HSD3B7: variants seen among roughly 807,000 people sequenced by gnomAD.
HSD3B7 encodes the protein 3 beta-hydroxysteroid dehydrogenase type 7.
Under a neutral mutation model 34.3 loss-of-function variants are expected in HSD3B7, and 35 were observed. The ratio of observed to expected loss-of-function variants is 1.02; its 90% CI spans 0.78 to 1.35. The LOEUF (loss-of-function observed/expected upper bound fraction) is 1.35, where lower values mean the gene tolerates loss of function less well. Among genes scored for constraint, HSD3B7 ranks in the 40% most tolerant of loss-of-function variants. HSD3B7 has a pLI of 0.00. For synonymous variants in HSD3B7, 217 were observed against 220.1 expected (o/e 0.99, Z 0.13); for missense variants, 426 against 504.7 (o/e 0.84, Z 1.49).
At position 30,988,169 on chromosome 16, in the gene HSD3B7, G is replaced by A. The variant is rs1351899341; in HGVS notation, c.1096G>A (p.Gly366Ser). 1 of 1,601,042 alleles carries A rather than the reference G, an allele frequency of 6.2e-7. No individual in the cohort carries two copies. Among genetic ancestry groups the A allele is most frequent in the Non-Finnish European group, 8.5e-7 (1 of 1,177,576 alleles). The change falls in exon 7 of 7, where the codon GGT becomes AGT. Residue 366 changes from glycine to serine, a missense_variant. Coordinates refer to ENST00000297679, the MANE Select transcript of HSD3B7 (RefSeq NM_025193.4). ...RTILWVQAAT[G>S]SAQ ...CATTCTCTGGGTACAGGCCGCTACG[G>A]GTTCAGCCCAGTGACGGTGGGGCTG...
rs104894518 is a variant in HSD3B7, at chr16:30,986,612, G to A, written c.439G>A (p.Glu147Lys). 1.9e-6 allele frequency: 3 copies of A among 1,613,984 alleles called. No individual in the cohort carries two copies. Among genetic ancestry groups the A allele is most frequent in the East Asian group, 4.5e-5 (2 of 44,894 alleles). Residue 147 changes from glutamate to lysine, a missense_variant, in exon 5 of 7, where the codon GAA becomes AAA. Glu to Lys is a moderately conservative substitution (Grantham distance 56). Transcript: ENST00000297679. ...TCCTTCTCCTCCCACCAGGGGCAAC[G>A]AAGACACCCCATACGAAGCAGTGCA... ...TKGHPFYRGN[E>K]DTPYEAVHRH...
Position 30,988,155 on chromosome 16 carries a change from T to A in HSD3B7, c.1082T>A (p.Val361Glu). Reference sequence around the variant, plus strand: ...AGCCGGACCCGTACCATTCTCTGGGTACAGGCCGCTACGGGTTCAGCCCAG... The same window carrying A: ...AGCCGGACCCGTACCATTCTCTGGGAACAGGCCGCTACGGGTTCAGCCCAG... ...EDSRTRTILW[V>E]QAATGSAQ Residue 361 changes from valine to glutamate, a missense_variant, in exon 7 of 7, where the codon GTA (valine) becomes GAA (glutamate). Val to Glu is a moderately radical substitution (Grantham distance 121). Coordinates refer to ENST00000297679, the MANE Select transcript of HSD3B7 (RefSeq NM_025193.4). 6.2e-7 allele frequency: 1 copy of A among 1,603,998 alleles called. No homozygotes were observed. Among genetic ancestry groups the A allele is most frequent in the Non-Finnish European group, 8.5e-7 (1 of 1,178,530 alleles).
rs548829868 is a variant in HSD3B7 at position 30,986,964 on chromosome 16, C to T, written c.656C>T (p.Ala219Val). Residue 219 changes from alanine (A) to valine (V), a missense_variant, in exon 6 of 7, where the codon GCC (alanine) becomes GTC (valine). Ala to Val is a moderately conservative substitution (Grantham distance 64). Coordinates refer to ENST00000297679, the MANE Select transcript of HSD3B7 (RefSeq NM_025193.4). ...CGCCTGGGAGGTTGGCTCTTCCGGG[C>T]CATCCCGGCCTCTGTGGAGCATGGC... ...GLRLGGWLFR[A>V]IPASVEHGRV... 5.4e-5 allele frequency: 87 copies of T among 1,613,124 alleles called. 3 individuals are homozygous for T. The South Asian group carries it at 9.4e-4, about 18-fold the overall frequency.
rs1333740794 is a variant in HSD3B7, at chr16:30,986,448, T to A, written c.348T>A (p.Cys116Ter). Reference sequence around the variant, plus strand: ...GTACCCGGAACGTGATCGAGGCTTGTGTGCAGACCGGAACACGGTTCCTGG... The same window carrying A: ...GTACCCGGAACGTGATCGAGGCTTGAGTGCAGACCGGAACACGGTTCCTGG... ...VQGTRNVIEA[C>*]VQTGTRFLVY... Residue 116 changes from cysteine to a stop codon, truncating the protein, a stop_gained, in exon 4 of 7, where the codon TGT becomes TGA. Coordinates refer to ENST00000297679, the MANE Select transcript of HSD3B7 (RefSeq NM_025193.4). LOFTEE classifies it high-confidence loss of function. 1 of 1,613,984 alleles carries A rather than the reference T, an allele frequency of 6.2e-7. No homozygotes were observed. The highest frequency in any genetic ancestry group is 8.5e-7 in the Non-Finnish European group (1 of 1,180,010).
rs774485162 is a variant in HSD3B7, at chr16:30,988,036, C to A, written c.963C>A (p.Pro321=). 13 of 1,607,342 alleles carry A rather than the reference C, an allele frequency of 8.1e-6. 1 individual carries two copies. The East Asian group carries it at 2.9e-4, about 36-fold the overall frequency. Residue 321 remains proline (P), a synonymous_variant, in exon 7 of 7, where the codon CCC becomes CCA. Coordinates refer to ENST00000297679, the MANE Select transcript of HSD3B7 (RefSeq NM_025193.4). ...TGCTCTACGCACCCCTGCTGAACCC[C>A]TACACGCTGGCCGTGGCCAACACCA... ...PLVLYAPLLN[P]YTLAVANTTF... is the part of the protein sequence containing the mutation.
rs371195720 is a variant in HSD3B7, at chr16:30,986,725, C to T, written c.531+21C>T. On this transcript the variant is annotated intron_variant, in intron 5 of 6. Coordinates refer to ENST00000297679, the MANE Select transcript of HSD3B7 (RefSeq NM_025193.4). ...GGAAGGTGAGCCCAGAAAAAGGAGG[C>T]GCAGAGATGGGGCTCCTGCCCTGCA... 2.3e-5 allele frequency: 37 copies of T among 1,612,296 alleles called. No individual in the cohort carries two copies. The East Asian group carries it at 5.6e-4, about 24-fold the overall frequency.
At position 30,985,663 on chromosome 16, in the gene HSD3B7, C is replaced by A. The variant is rs767091598; in HGVS notation, c.5C>A (p.Ala2Asp). The stretch of plus-strand genomic sequence containing the variant: ...AGGTCTCTTCCCCAGCCAGGCATGG[C>A]CGACTCTGCACAGGCCCAGAAGCTG... M[A>D]DSAQAQKLVY... Residue 2 changes from alanine to aspartate, a missense_variant, in exon 2 of 7, where the codon GCC (alanine) becomes GAC (aspartate). Transcript: ENST00000297679. The A allele has an allele frequency of 2.5e-6, 4 of 1,603,820 alleles. No homozygotes were observed. In the Admixed American group the frequency reaches 6.7e-5, roughly 27 times the overall value.
In HSD3B7 at chr16:30,988,010, G is replaced by T; in HGVS notation, c.937G>T (p.Val313Leu). 2.5e-6 allele frequency: 4 copies of T among 1,608,892 alleles called. No homozygotes were observed. The highest frequency in any genetic ancestry group is 1.7e-5 in the Admixed American group (1 of 60,018). The change falls in exon 7 of 7, where the codon GTG becomes TTG. Residue 313 changes from valine to leucine, a missense_variant. Transcript: ENST00000297679. ...ALLQWLLRPL[V>L]LYAPLLNPYT... ...GCTGCAGTGGCTGCTGCGGCCACTG[G>T]TGCTCTACGCACCCCTGCTGAACCC... is the stretch of plus-strand genomic sequence containing the variant.
chr16:30,987,023 G>T, intron 6 of HSD3B7, 21 bp downstream of exon 6: 3 of 1,599,576 alleles, frequency 1.9e-6, no homozygotes, highest in Non-Finnish European at 2.6e-6. Flanking sequence ...GGCTAGGCAG[G>T]GGGAGGCTGA....
Position 30,986,846 on chromosome 16 carries a change from G to T in HSD3B7, c.538G>T (p.Gly180Trp). Residue 180 changes from glycine to tryptophan, a missense_variant, in exon 6 of 7, where the codon GGG becomes TGG. Coordinates refer to ENST00000297679, the MANE Select transcript of HSD3B7 (RefSeq NM_025193.4). The stretch of plus-strand genomic sequence containing the variant: ...TACCTGCCTTTGCCACCAGGTCCGT[G>T]GGGGGCTGCCCCTGGTGACGTGTGC... The part of the protein sequence containing the change: ...VLEANGRKVR[G>W]GLPLVTCALR... 6.2e-7 allele frequency: 1 copy of T among 1,613,974 alleles called. No homozygotes were observed. Among genetic ancestry groups the T allele is most frequent in the Non-Finnish European group, 8.5e-7 (1 of 1,180,034 alleles).
rs781013516 is a variant in HSD3B7, at chr16:30,988,184, C to T, written c.*1C>T. On this transcript the variant is annotated 3_prime_UTR_variant, in exon 7 of 7. Transcript: ENST00000297679. The stretch of plus-strand genomic sequence containing the variant: ...GGCCGCTACGGGTTCAGCCCAGTGA[C>T]GGTGGGGCTGGGGCCTGGAGGCCCA... The T allele has an allele frequency of 9.7e-5, 154 of 1,592,190 alleles. No homozygotes were observed. Among genetic ancestry groups the T allele is most frequent in the Middle Eastern group, 6.6e-4 (4 of 6,058 alleles).
chr16:30,986,048 G>A lies in HSD3B7; in HGVS notation c.167-1G>A. 6.2e-7 allele frequency: 1 copy of A among 1,612,580 alleles called. No homozygotes were observed. The highest frequency in any genetic ancestry group is 2.2e-5 in the East Asian group (1 of 44,898). On this transcript the variant is annotated splice_acceptor_variant, in intron 2 of 6. Coordinates refer to ENST00000297679, the MANE Select transcript of HSD3B7 (RefSeq NM_025193.4). LOFTEE classifies it high-confidence loss of function. The stretch of plus-strand genomic sequence containing the variant: ...GGCCTGTGTCCTCCAACCCCGGCCA[G>A]GGCCTGTGAGGGTGACTGCCATCCA...
rs374089375 is a variant in HSD3B7 at position 30,986,433 on chromosome 16, C to T, written c.333C>T (p.Asn111=). The change falls in exon 4 of 7, where the codon AAC becomes AAT. Residue 111 remains asparagine (N), a synonymous_variant. Transcript: ENST00000297679. ...CTCCTCCTCTGCCAGGTACCCGGAA[C>T]GTGATCGAGGCTTGTGTGCAGACCG... ...IHEVNVQGTR[N]VIEACVQTGT... is the part of the protein sequence containing the mutation. The T allele has an allele frequency of 3.3e-5, 54 of 1,613,916 alleles. No individual in the cohort carries two copies. The highest frequency in any genetic ancestry group is 5.3e-5 in the African/African-American group (4 of 74,924).
In HSD3B7 at chr16:30,988,373, C is replaced by T. The variant is rs2056519449; in HGVS notation, c.*190C>T. Reference sequence around the variant, plus strand: ...TTTGAGACAGGGTCTTGCTCTGTCACCCAGACTGGAGTGCAGTGGTGTGAT... The same window carrying T: ...TTTGAGACAGGGTCTTGCTCTGTCATCCAGACTGGAGTGCAGTGGTGTGAT... On this transcript the variant is annotated 3_prime_UTR_variant, in exon 7 of 7. Coordinates refer to ENST00000297679, the MANE Select transcript of HSD3B7 (RefSeq NM_025193.4). The T allele has an allele frequency of 1.6e-6, 1 of 609,978 alleles. No individual in the cohort carries two copies. Among genetic ancestry groups the T allele is most frequent in the Non-Finnish European group, 2.9e-6 (1 of 348,716 alleles). 37.8% of individuals were successfully genotyped at this position (609,978 alleles called of 1,614,324 possible).
rs369348414 is a variant in HSD3B7, at chr16:30,987,788, G to T, written c.715G>T (p.Val239Leu). The T allele has an allele frequency of 1.2e-6, 2 of 1,612,672 alleles. No homozygotes were observed. The highest frequency in any genetic ancestry group is 1.3e-5 in the African/African-American group (1 of 74,944). ...GGCAGGCAATGTTGCCTGGATGCACGTGCTGGCAGCCCGGGAGCTGGAGCA... is the reference window on the plus strand; with the variant it reads ...GGCAGGCAATGTTGCCTGGATGCACTTGCTGGCAGCCCGGGAGCTGGAGCA... ...VYVGNVAWMH[V>L]LAARELEQRA... The change falls in exon 7 of 7, where the codon GTG becomes TTG. Residue 239 changes from valine to leucine, a missense_variant. By Grantham distance (32) the Val-to-Leu change is conservative. Transcript: ENST00000297679.
chr16:30,986,387 G>A (rs1227668132), intron 3 of HSD3B7, 36 bp from the exon 4 acceptor site: 1 of 1,592,318 alleles, frequency 6.3e-7, no homozygotes. Flanking sequence ...AGAGAGGGAA[G>A]AAGCTGCAGC....
At position 30,985,652 on chromosome 16, in the gene HSD3B7, G is replaced by A. The variant is rs759318251; in HGVS notation, c.-6-1G>A. 6.2e-7 allele frequency: 1 copy of A among 1,600,698 alleles called. No individual in the cohort carries two copies. The highest frequency in any genetic ancestry group is 8.5e-7 in the Non-Finnish European group (1 of 1,177,708). ...TGGATGAGCCAAGGTCTCTTCCCCA[G>A]CCAGGCATGGCCGACTCTGCACAGG... On this transcript the variant is annotated splice_acceptor_variant, in intron 1 of 6. Coordinates refer to ENST00000297679, the MANE Select transcript of HSD3B7 (RefSeq NM_025193.4). LOFTEE classifies it low-confidence loss of function (5UTR_SPLICE).
chr16:30,988,594 A>C lies in HSD3B7; in HGVS notation c.*411A>C. 1 of 175,902 alleles carries C rather than the reference A, an allele frequency of 5.7e-6. No homozygotes were observed. 10.9% of individuals were successfully genotyped at this position (175,902 alleles called of 1,614,324 possible). A position where few individuals can be genotyped will look rare whatever the true frequency, so the allele number is the denominator to read the frequency against. ...GATCTTCCCACGTGGGCCTCCCAAA[A>C]CGCTGGAACTACAAGTGTGAGCCAC... On this transcript the variant is annotated 3_prime_UTR_variant, in exon 7 of 7. Transcript: ENST00000297679.
chr16:30,986,380 G>A, intron 3 of HSD3B7, 43 bp from the exon 4 acceptor site: 1 of 1,587,406 alleles, frequency 6.3e-7, no homozygotes, highest in Non-Finnish European at 8.6e-7. Context: ...AAGATGCAGA[G>A]AGGGAAGAAG....
Sources: allele counts gnomAD v4.1 joint callset, GRCh38; gene constraint gnomAD v4.1.1; transcripts MANE v1.5; gene names NCBI Gene and HGNC (gene_info 2026-07-23, HGNC 2026-07-21).